The following PLEKHH1 variants were observed in gnomAD, a reference collection of about 807,000 sequenced individuals.
The protein encoded by PLEKHH1 is pleckstrin homology, MyTH4 and FERM domain containing H1.
Under a neutral mutation model 160.0 loss-of-function variants are expected in PLEKHH1, and 104 were observed. The ratio of observed to expected loss-of-function variants is 0.65; its 90% CI spans 0.55 to 0.76. The LOEUF is 0.76. PLEKHH1 is among the 30% of genes least tolerant of loss of function. The pLI is 0.00. For synonymous variants in PLEKHH1, 619 were observed against 678.4 expected (o/e 0.91, Z 1.36); for missense variants, 1,427 against 1,724.1 (o/e 0.83, Z 3.05).
chr14:67,586,968 T>G (rs1166312106), intron 28 of PLEKHH1, 106 bp from the exon 29 acceptor site: 1 of 1,538,818 alleles, frequency 6.5e-7, no homozygotes, highest in Non-Finnish European at 8.8e-7. Flanking sequence ...TTTAAGAGAT[T>G]AAATAAACTG....
intron 1 of PLEKHH1, among the ~76,000 whole-genome samples, chr14:67,541,430 C>T (rs541128619): frequency 8.3e-4 from 127 of 152,322 alleles, no homozygotes; most frequent in African/African-American, 2.9e-3. Flanking sequence ...AACACAAAGA[C>T]AAGGAATTTC....
intron 2 of PLEKHH1, among the ~76,000 whole-genome samples, chr14:67,547,347 C>T (rs941628032): frequency 2.6e-5 from 4 of 152,206 alleles, no homozygotes; most frequent in Admixed American, 1.3e-4. Context: ...AGGATTGTGT[C>T]TGTCCTCTGC....
chr14:67,559,485 C>A, intron 4 of PLEKHH1, 123 bp from the exon 5 acceptor site: 1 of 644,492 alleles, frequency 1.6e-6, no homozygotes, highest in Non-Finnish European at 2.8e-6. Flanking sequence ...CAAACGATTT[C>A]TGCTCACTGG....
chr14:67,569,093 G>A (rs58352872), intron 7 of PLEKHH1, 45 bp from the exon 8 acceptor site: 29,636 of 1,317,260 alleles, frequency 0.022, 806 homozygotes, highest in African/African-American at 0.13. Context: ...GGGGTGGGAT[G>A]GGCATCATGC....
chr14:67,537,346 A>AAGTAATAATAAT (rs2033770426), intron 1 of PLEKHH1, among the ~76,000 whole-genome samples: 1 of 126,602 alleles, frequency 7.9e-6, no homozygotes. Flanking sequence ...TCCATCTCAA[A>AAGTAATAATAAT]AATAATAATA....
chr14:67,542,775 G>A (rs150447765), intron 2 of PLEKHH1, among the ~76,000 whole-genome samples: 1,635 of 152,062 alleles, frequency 0.011, 38 homozygotes, highest in African/African-American at 0.038. Flanking sequence ...ATCGCAGCTC[G>A]CCACAATCTC....
At position 67,587,061 on chromosome 14, in the gene PLEKHH1, G is replaced by C. The variant is rs1213836171; in HGVS notation, c.3934-13G>C. ...GCTAGTTCAATTCCTTCACATCTCT[G>C]ACCTCCTCTTAGATTGCAGAAGCTA... On this transcript the variant is annotated splice_polypyrimidine_tract_variant and intron_variant, in intron 28 of 28. Coordinates refer to ENST00000329153, the MANE Select transcript of PLEKHH1 (RefSeq NM_020715.3). The C allele has an allele frequency of 5.7e-6, 9 of 1,578,808 alleles. No homozygotes were observed. Among genetic ancestry groups the C allele is most frequent in the Non-Finnish European group, 7.8e-6 (9 of 1,159,814 alleles).
At chr14:67,579,972 A>C in intron 22 of PLEKHH1, 96 bp downstream of exon 22, 1 of 1,210,688 alleles carries the variant, frequency 8.3e-7, no homozygotes. Flanking sequence ...ACTGTTTGGT[A>C]GCTCATTTGG....
chr14:67,551,941 T>C (rs776419996), intron 2 of PLEKHH1, among the ~76,000 whole-genome samples: 5 of 152,186 alleles, frequency 3.3e-5, no homozygotes, highest in African/African-American at 4.8e-5. Flanking sequence ...GGTGTGGCTC[T>C]TGGCTCAGGC....
chr14:67,572,351 CAT>C, intron 11 of PLEKHH1, 74 bp downstream of exon 11: 1 of 1,290,070 alleles, frequency 7.8e-7, no homozygotes, highest in Non-Finnish European at 1.0e-6. Flanking sequence ...CAGCACAAGA[CAT>C]AGGCAGTAGC....
At chr14:67,557,129 TG>T in intron 3 of PLEKHH1, 139 bp from the exon 4 acceptor site, 1 of 622,144 alleles carries the variant, frequency 1.6e-6, no homozygotes, top group Non-Finnish European at 2.8e-6. Flanking sequence ...TTGAATTAAT[TG>T]GCTCAGACTG....
chr14:67,560,120 G>A (rs534006659), intron 5 of PLEKHH1, among the ~76,000 whole-genome samples: 5 of 152,214 alleles, frequency 3.3e-5, no homozygotes, highest in Admixed American at 6.5e-5. Flanking sequence ...TCCGCCTCCC[G>A]GGTTCAACCG....
chr14:67,562,012 G>A lies in PLEKHH1; in HGVS notation c.482G>A (p.Gly161Glu), dbSNP rs2034858866. The change falls in exon 6 of 29, where the codon GGA (glycine) becomes GAA (glutamate). Residue 161 changes from glycine to glutamate, a missense_variant. By Grantham distance (98) the Gly-to-Glu change is moderately conservative (BLOSUM62 -2). Around this residue, in one of 6 missense-constraint regions of PLEKHH1, gnomAD observed 831 missense variants for 929.2 expected, o/e 0.89. Coordinates refer to ENST00000329153, the MANE Select transcript of PLEKHH1 (RefSeq NM_020715.3). ...SHNQRLVEQV[G>E]SLQDALEAIQ... ...AATCAGCGCCTGGTGGAGCAGGTGGGATCCCTTCAAGATGCGCTAGAAGGT... is the reference window on the plus strand; with the variant it reads ...AATCAGCGCCTGGTGGAGCAGGTGGAATCCCTTCAAGATGCGCTAGAAGGT... 6.2e-7 allele frequency: 1 copy of A among 1,613,840 alleles called. No individual in the cohort carries two copies. Among genetic ancestry groups the A allele is most frequent in the Non-Finnish European group, 8.5e-7 (1 of 1,179,738 alleles).
chr14:67,577,320 AC>A lies in PLEKHH1; in HGVS notation c.2484del (p.Met829CysfsTer74). 6.4e-7 allele frequency: 1 copy of A among 1,572,924 alleles called. No homozygotes were observed. On this transcript the variant is annotated frameshift_variant, in exon 18 of 29. Coordinates refer to ENST00000329153, the MANE Select transcript of PLEKHH1 (RefSeq NM_020715.3). LOFTEE classifies it high-confidence loss of function. Reference protein sequence around the residue: ...EGDPDSPLWRHPMLCYSKDGL... With the variant: ...EGDPDSPLWRXPMLCYSKDGL... ...TGGGCAGATTCGCCGCTCTGGAGGC[AC>A]CCCATGCTGTGCTACAGCAAAGACG... is the stretch of plus-strand genomic sequence containing the variant.
intron 2 of PLEKHH1, among the ~76,000 whole-genome samples, chr14:67,543,624 T>C (rs1376830706): frequency 6.6e-6 from 1 of 152,052 alleles, no homozygotes; most frequent in Non-Finnish European, 1.5e-5. Context: ...AATCATTCTG[T>C]ACACTATGAA....
chr14:67,541,767 C>T (rs2033972956), intron 1 of PLEKHH1, 67 bp from the exon 2 acceptor site: 2 of 1,137,290 alleles, frequency 1.8e-6, no homozygotes, highest in South Asian at 1.7e-5. Flanking sequence ...CCCTCCCGTT[C>T]TTTCCCCACA....
At chr14:67,537,801 C>G (rs1019149953) in intron 1 of PLEKHH1, among the ~76,000 whole-genome samples, 2 of 152,212 alleles carry the variant, frequency 1.3e-5, no homozygotes, top group Admixed American at 1.3e-4. Context: ...CTAATGACTT[C>G]CTGTGCCACC....
chr14:67,573,193 C>A lies in PLEKHH1; in HGVS notation c.1729-83C>A. On this transcript the variant is annotated intron_variant, in intron 11 of 28. Coordinates refer to ENST00000329153, the MANE Select transcript of PLEKHH1 (RefSeq NM_020715.3). This position sits in a 1 kb window ranked among gnomAD's most constrained non-coding sequence, Gnocchi z 4.8. ...TTTAATTGATGACCGAGTAGTGAGG[C>A]AGCTGGACCACTTGGACCTGTGTGA... 1 of 811,236 alleles carries A rather than the reference C, an allele frequency of 1.2e-6. No homozygotes were observed. 50.3% of individuals were successfully genotyped at this position (811,236 alleles called of 1,614,324 possible). A position where few individuals can be genotyped will look rare whatever the true frequency, so the allele number is the denominator to read the frequency against.
At chr14:67,581,742 T>C (rs1485008852) in intron 23 of PLEKHH1, 1 of 245,226 alleles carries the variant, frequency 4.1e-6, no homozygotes, top group African/African-American at 2.3e-5. Flanking sequence ...TCCAGGCAAA[T>C]AGTTTCCAGT....
Sources: gnomAD v4.1 joint callset for allele counts (sites outside exome capture counted in the v4.1 genomes callset) on GRCh38, gnomAD v4.1.1 for gene constraint, gnomAD v4.1.1 regional missense constraint, Gnocchi (gnomAD v3.1) non-coding constraint, MANE v1.5 for transcripts, NCBI Gene and HGNC (gene_info 2026-07-23, HGNC 2026-07-21) for gene names.